SYT16: variants seen among roughly 807,000 people sequenced by gnomAD.
SYT16 encodes synaptotagmin 16, also known as synaptotagmin-16.
A neutral mutation model predicts 61.4 loss-of-function variants in SYT16; 42 were observed. The observed-to-expected ratio is 0.68, with a 90% CI of 0.53 to 0.89. The LOEUF is 0.89. SYT16 is among the 40% of genes least tolerant of loss of function. The probability of loss-of-function intolerance (pLI) is 0.00; values close to 1 mark genes in which losing one functional copy is unlikely to be tolerated. For synonymous variants in SYT16, 314 were observed against 302.3 expected (o/e 1.04, Z -0.40); for missense variants, 804 against 807.3 (o/e 1.00, Z 0.05).
At chr14:62,079,944 G>A (rs1368468140) in intron 5 of SYT16, among the ~76,000 whole-genome samples, 1 of 152,198 alleles carries the variant, frequency 6.6e-6, no homozygotes, top group Non-Finnish European at 1.5e-5. Context: ...AGATATTTAT[G>A]CAGTCTGGTC....
chr14:61,847,327 C>A (rs2046474140), intron 1 of SYT16, among the ~76,000 whole-genome samples: 1 of 152,084 alleles, frequency 6.6e-6, no homozygotes, highest in South Asian at 2.1e-4. Context: ...ATATACTATT[C>A]TATGGTAAAA....
chr14:61,922,339 A>C (rs959214916), intron 1 of SYT16, among the ~76,000 whole-genome samples: 2 of 152,260 alleles, frequency 1.3e-5, no homozygotes, highest in Admixed American at 6.5e-5. Flanking sequence ...ACATCATGGA[A>C]TACTACGCAG....
chr14:62,044,675 C>T (rs2054893199), intron 3 of SYT16, among the ~76,000 whole-genome samples: 1 of 152,112 alleles, frequency 6.6e-6, no homozygotes, highest in Non-Finnish European at 1.5e-5. Flanking sequence ...TGTATATGTG[C>T]CACATTTTCT....
At chr14:61,872,838 T>C (rs1194885898) in intron 1 of SYT16, among the ~76,000 whole-genome samples, 2 of 152,256 alleles carry the variant, frequency 1.3e-5, no homozygotes, top group East Asian at 3.8e-4. Context: ...TCTGGATGCC[T>C]AATTCAATCT....
At chr14:61,904,591 A>G (rs1348690170) in intron 1 of SYT16, among the ~76,000 whole-genome samples, 2 of 152,176 alleles carry the variant, frequency 1.3e-5, no homozygotes, top group African/African-American at 4.8e-5. Flanking sequence ...TAATGATTTC[A>G]GATAAAGGGG....
intron 7 of SYT16, among the ~76,000 whole-genome samples, chr14:62,087,743 A>G (rs2056934154): frequency 6.6e-6 from 1 of 152,202 alleles, no homozygotes; most frequent in African/African-American, 2.4e-5. Flanking sequence ...TAAGTAAGAC[A>G]GAGGAACTGA....
intron 6 of SYT16, among the ~76,000 whole-genome samples, 182 bp from the exon 7 acceptor site, chr14:62,084,014 C>A (rs1196024592): frequency 6.6e-6 from 1 of 152,192 alleles, no homozygotes; most frequent in African/African-American, 2.4e-5. Context: ...GTTCCTAATG[C>A]AGGGATCTCA....
At chr14:61,887,720 T>C (rs1266718226) in intron 1 of SYT16, among the ~76,000 whole-genome samples, 1 of 152,232 alleles carries the variant, frequency 6.6e-6, no homozygotes, top group Admixed American at 6.5e-5. Flanking sequence ...CTTCTGCAGC[T>C]TCCTTCTGCA....
chr14:62,066,583 A>G (rs2056069946), intron 3 of SYT16, among the ~76,000 whole-genome samples: 1 of 152,246 alleles, frequency 6.6e-6, no homozygotes, highest in Non-Finnish European at 1.5e-5. Flanking sequence ...CTCACTTGAA[A>G]TATGGCTTTT....
chr14:61,899,705 G>A (rs1397259316), intron 1 of SYT16, among the ~76,000 whole-genome samples: 1 of 152,196 alleles, frequency 6.6e-6, no homozygotes, highest in Non-Finnish European at 1.5e-5. Flanking sequence ...GCGCCGGAAG[G>A]CCTGTTGGTT....
chr14:62,006,082 C>G (rs1220763312), intron 3 of SYT16, among the ~76,000 whole-genome samples: 1 of 152,138 alleles, frequency 6.6e-6, no homozygotes, highest in Non-Finnish European at 1.5e-5. Context: ...AACAAAAGCT[C>G]TTATTTCTCT....
chr14:61,990,873 A>G (rs979479345), intron 2 of SYT16, among the ~76,000 whole-genome samples: 7 of 152,184 alleles, frequency 4.6e-5, no homozygotes, highest in Non-Finnish European at 8.8e-5. Flanking sequence ...GATAAAACAT[A>G]TGGCTCAGGA....
intron 2 of SYT16, among the ~76,000 whole-genome samples, chr14:61,981,273 A>T (rs1566735819): frequency 6.6e-6 from 1 of 152,210 alleles, no homozygotes; most frequent in Non-Finnish European, 1.5e-5. Context: ...TCACAGAAAC[A>T]TCCAGACTAA....
At chr14:62,099,167 G>T (rs897175958) in intron 7 of SYT16, among the ~76,000 whole-genome samples, 3 of 152,140 alleles carry the variant, frequency 2.0e-5, no homozygotes, top group Non-Finnish European at 4.4e-5. Flanking sequence ...GACTTTGTTT[G>T]TGTTTATTAG....
At chr14:62,074,441 G>A (rs1036871599) in intron 4 of SYT16, among the ~76,000 whole-genome samples, 7 of 152,182 alleles carry the variant, frequency 4.6e-5, no homozygotes, top group African/African-American at 1.7e-4. Context: ...AATGGGGTTG[G>A]ATGGGTTGGA....
intron 1 of SYT16, among the ~76,000 whole-genome samples, chr14:61,824,992 A>G (rs1462203733): frequency 1.3e-5 from 2 of 152,222 alleles, no homozygotes; most frequent in African/African-American, 4.8e-5. Context: ...ATATCAGTAA[A>G]TAAAACAAAA....
intron 2 of SYT16, among the ~76,000 whole-genome samples, chr14:61,974,351 A>G (rs144561740): frequency 6.6e-6 from 1 of 152,338 alleles, no homozygotes; most frequent in African/African-American, 2.4e-5. Flanking sequence ...GCACAACTGC[A>G]CAAAGCCTAC....
At chr14:62,020,629 C>T (rs1595175092) in intron 3 of SYT16, among the ~76,000 whole-genome samples, 1 of 152,220 alleles carries the variant, frequency 6.6e-6, no homozygotes, top group African/African-American at 2.4e-5. Flanking sequence ...AATTCGTTTT[C>T]ACCAGCCAGC....
intron 3 of SYT16, among the ~76,000 whole-genome samples, chr14:62,002,619 C>T (rs545513223): frequency 5.2e-4 from 79 of 152,182 alleles, no homozygotes; most frequent in Non-Finnish European, 5.7e-4. Context: ...CCTCTCTCCC[C>T]GGAGACAGGG....
Sources: gnomAD v4.1 joint callset for allele counts (sites outside exome capture counted in the v4.1 genomes callset) on GRCh38, gnomAD v4.1.1 for gene constraint, MANE v1.5 for transcripts, NCBI Gene and HGNC (gene_info 2026-07-23, HGNC 2026-07-21) for gene names.